The following KIAA1217 variants were observed in gnomAD, a reference collection of about 807,000 sequenced individuals.
KIAA1217 encodes KIAA1217.
A neutral mutation model predicts 163.9 loss-of-function variants in KIAA1217; 88 were observed. The ratio of observed to expected loss-of-function variants is 0.54; its 90% CI spans 0.45 to 0.64. The LOEUF (loss-of-function observed/expected upper bound fraction) is 0.64, where lower values mean the gene tolerates loss of function less well. Ranked by LOEUF, KIAA1217 falls within the 30% of genes least tolerant of loss-of-function variation. The pLI is 0.00. For missense variants in KIAA1217, 2,372 were observed against 2,475.0 expected (o/e 0.96, Z 0.88); for synonymous variants, 903 against 923.1 (o/e 0.98, Z 0.39).
chr10:24,285,582 G>C (rs1244358805), intron 2 of KIAA1217, among the ~76,000 whole-genome samples: 1 of 152,108 alleles, frequency 6.6e-6, no homozygotes, highest in Non-Finnish European at 1.5e-5. Flanking sequence ...GTCTATTTTT[G>C]TACCAGCACC....
chr10:24,072,495 TA>T (rs1282308441), intron 2 of KIAA1217, among the ~76,000 whole-genome samples: 2 of 152,190 alleles, frequency 1.3e-5, no homozygotes, highest in African/African-American at 4.8e-5. Context: ...TAAGCATGAT[TA>T]TTTTCAGGCT....
intron 2 of KIAA1217, among the ~76,000 whole-genome samples, chr10:24,310,582 A>G (rs1370660453): frequency 6.6e-6 from 1 of 152,192 alleles, no homozygotes; most frequent in Non-Finnish European, 1.5e-5. Context: ...CCACTCCCCC[A>G]TCTCTAGCCT....
intron 1 of KIAA1217, among the ~76,000 whole-genome samples, chr10:23,928,200 C>T (rs1413696364): frequency 6.6e-6 from 1 of 152,194 alleles, no homozygotes; most frequent in East Asian, 1.9e-4. Context: ...CTTCGAGCAG[C>T]ACAGGGTCCC....
intron 2 of KIAA1217, among the ~76,000 whole-genome samples, chr10:24,175,277 A>G (rs534025813): frequency 1.8e-4 from 28 of 152,300 alleles, no homozygotes; most frequent in Admixed American, 9.2e-4. Flanking sequence ...ATAGTTTAGC[A>G]TCCTTATAGC....
intron 1 of KIAA1217, among the ~76,000 whole-genome samples, chr10:23,972,235 C>T (rs898143523): frequency 6.6e-6 from 1 of 152,178 alleles, no homozygotes; most frequent in African/African-American, 2.4e-5. Flanking sequence ...CCAGAAATAC[C>T]ATTTATCCCA....
rs141361373 is a variant in KIAA1217 at position 23,908,622 on chromosome 10, C to G, written c.-320-98603C>G. On this transcript the variant is annotated intron_variant, in intron 1 of 18. Transcript: ENST00000376462. ...CTGAGGTCTCAGCTGAACTCACAGT[C>G]CAGCAGGACATCTCCCCTGAGTGAT... Among the ~76,000 whole-genome samples, 31 of 152,220 alleles carry G rather than the reference C, an allele frequency of 2.0e-4. 1 individual carries two copies. The highest frequency in any genetic ancestry group is 3.5e-4 in the Non-Finnish European group (24 of 67,998).
chr10:23,707,568 G>A (rs1836972227), intron 1 of KIAA1217, among the ~76,000 whole-genome samples: 1 of 152,130 alleles, frequency 6.6e-6, no homozygotes, highest in Non-Finnish European at 1.5e-5. Flanking sequence ...GTAGACACTG[G>A]AGGCTCCAAA....
rs1444726778 is a variant in KIAA1217 at position 23,969,862 on chromosome 10, A to T, written c.-320-37363A>T. On this transcript the variant is annotated intron_variant, in intron 1 of 18. Transcript: ENST00000376462. ...TGAGACTGGGTGGTTTAATGGACTC[A>T]CAGTTCCACGTGGGTGGGGAGGCCT... 4.6e-5 allele frequency among the ~76,000 whole-genome samples: 7 copies of T among 152,216 alleles called. No individual in the cohort carries two copies. In the South Asian group the frequency reaches 6.2e-4, roughly 14 times the overall value.
At chr10:24,528,591 G>A (rs547074455) in intron 14 of KIAA1217, among the ~76,000 whole-genome samples, 12 of 152,174 alleles carry the variant, frequency 7.9e-5, no homozygotes, top group African/African-American at 2.9e-4. Context: ...AGCTTCCAGA[G>A]TAGCTAGAAT....
intron 2 of KIAA1217, chr10:24,157,887 T>C (rs1239512887): frequency 1.6e-6 from 1 of 643,520 alleles, no homozygotes; most frequent in South Asian, 1.9e-5. Context: ...TCTGAACCAA[T>C]GATGCTGGCT....
chr10:24,210,649 C>T (rs1325005410), intron 1 of KIAA1217, among the ~76,000 whole-genome samples: 1 of 152,152 alleles, frequency 6.6e-6, no homozygotes, highest in Non-Finnish European at 1.5e-5. Flanking sequence ...CAGCCTGAGA[C>T]AGTGTGCTCC....
At chr10:23,822,429 G>T (rs1343635516) in intron 1 of KIAA1217, among the ~76,000 whole-genome samples, 2 of 152,192 alleles carry the variant, frequency 1.3e-5, no homozygotes, top group Non-Finnish European at 2.9e-5. Context: ...GTGGGAATTT[G>T]TGCCAATAGG....
intron 2 of KIAA1217, among the ~76,000 whole-genome samples, chr10:24,135,341 A>ATTAC (rs2063794797): frequency 6.6e-6 from 1 of 152,102 alleles, no homozygotes; most frequent in Non-Finnish European, 1.5e-5. Flanking sequence ...ACTTTAAGTC[A>ATTAC]GTGAGTTTTA....
intron 11 of KIAA1217, among the ~76,000 whole-genome samples, chr10:24,520,832 T>A (rs1462509115): frequency 1.4e-5 from 2 of 145,622 alleles, no homozygotes; most frequent in African/African-American, 5.1e-5. Flanking sequence ...GCAGCCTGGG[T>A]GGCAGAGTGA....
intron 9 of KIAA1217, among the ~76,000 whole-genome samples, chr10:24,509,562 TC>T (rs1406151100): frequency 2.0e-5 from 3 of 152,216 alleles, no homozygotes; most frequent in Non-Finnish European, 2.9e-5. Flanking sequence ...ATATTGCGAT[TC>T]ATTCATAGAG....
rs1353450950 is a variant in KIAA1217 at position 24,471,228 on chromosome 10, GC to G, written c.847-1995del. Among the ~76,000 whole-genome samples the G allele has an allele frequency of 2.6e-5, 4 of 152,152 alleles. No homozygotes were observed. In the East Asian group the frequency reaches 7.7e-4, roughly 29 times the overall value. On this transcript the variant is annotated intron_variant, in intron 5 of 20. Transcript: ENST00000376454. Reference sequence around the variant, plus strand: ...GCTCATCTTGGTTCTTGCCATTCAAGCCCCCACCTCTTTCCTCGGGTCCCTC... The same window carrying G: ...GCTCATCTTGGTTCTTGCCATTCAAGCCCCACCTCTTTCCTCGGGTCCCTC...
intron 1 of KIAA1217, among the ~76,000 whole-genome samples, chr10:23,920,983 T>A (rs1247405074): frequency 6.6e-6 from 1 of 152,220 alleles, no homozygotes; most frequent in African/African-American, 2.4e-5. Context: ...GTGCCTTTGT[T>A]CCTCCTTTGC....
At chr10:23,790,133 GCATATACACATATACA>G (rs1252530541) in intron 1 of KIAA1217, among the ~76,000 whole-genome samples, 6 of 54,520 alleles carry the variant, frequency 1.1e-4, no homozygotes, top group South Asian at 5.6e-4. Context: ...ATACACATAT[GCATATACACATATACA>G]CATATGCATA....
rs568316845 is a variant in KIAA1217, at chr10:23,974,562, C to T, written c.-320-32663C>T. ...CTGTAATCCCATCATTTTGGGAGGCCGAGATGGGAGGATCACAATATAGTG... is the reference window on the plus strand; with the variant it reads ...CTGTAATCCCATCATTTTGGGAGGCTGAGATGGGAGGATCACAATATAGTG... On this transcript the variant is annotated intron_variant, in intron 1 of 18. Transcript: ENST00000376462. Among the ~76,000 whole-genome samples, 29 of 151,948 alleles carry T rather than the reference C, an allele frequency of 1.9e-4. No homozygotes were observed. In the South Asian group the frequency reaches 2.5e-3, roughly 13 times the overall value.
Sources: allele counts gnomAD v4.1 joint callset (sites outside exome capture counted in the v4.1 genomes callset), GRCh38; gene constraint gnomAD v4.1.1; transcripts MANE v1.5; gene names NCBI Gene and HGNC (gene_info 2026-07-23, HGNC 2026-07-21).